The following FAAH2 variants were observed in gnomAD, a reference collection of about 807,000 sequenced individuals.
FAAH2 encodes fatty acid amide hydrolase 2, also known as fatty-acid amide hydrolase 2.
A neutral mutation model predicts 36.9 loss-of-function variants in FAAH2; 60 were observed. That is an observed-to-expected ratio of 1.63 (90% confidence interval 1.32 to 2.02). FAAH2 has a LOEUF of 2.02. Among genes scored for constraint, FAAH2 ranks in the 30% most tolerant of loss-of-function variants. FAAH2 has a pLI of 0.00. For synonymous variants in FAAH2, 214 were observed against 143.8 expected (o/e 1.49, Z -3.49); for missense variants, 689 against 397.5 (o/e 1.73, Z -6.23).
chrX:57,338,905 A>T (rs1378389464), intron 4 of FAAH2, among the ~76,000 whole-genome samples: 1 of 111,788 alleles, frequency 8.9e-6, no homozygotes, highest in Non-Finnish European at 1.9e-5. Context: ...TTAGGAAAAA[A>T]AAACCTATTT....
chrX:57,464,518 C>CAAAAAAAAAAAAAAAAAAAA, intron 10 of FAAH2, among the ~76,000 whole-genome samples: 1 of 60,984 alleles, frequency 1.6e-5, no homozygotes, highest in Non-Finnish European at 2.9e-5. Flanking sequence ...ATAGCAATTG[C>CAAAAAAAAAAAAAAAAAAAA]AAAAAAAAAA....
At chrX:57,338,366 A>C (rs1318779875) in intron 4 of FAAH2, among the ~76,000 whole-genome samples, 1 of 111,746 alleles carries the variant, frequency 8.9e-6, no homozygotes, top group Non-Finnish European at 1.9e-5. Flanking sequence ...GACCATTTTC[A>C]CTTCTTTTGT....
At chrX:57,279,044 G>A in the FAAH2 span, among the ~76,000 whole-genome samples, 1 of 112,205 alleles carries the variant, frequency 8.9e-6, no homozygotes, top group Non-Finnish European at 1.9e-5. Context: ...AGACAATGTG[G>A]CAATTCCTGA....
intron 5 of FAAH2, among the ~76,000 whole-genome samples, chrX:57,355,327 ATC>A (rs2054132681): frequency 9.0e-6 from 1 of 110,919 alleles, no homozygotes; most frequent in Non-Finnish European, 1.9e-5. Context: ...CCAGCAGAAT[ATC>A]TGTCTTATTT....
chrX:57,172,243 TG>T, the FAAH2 span, among the ~76,000 whole-genome samples: 5 of 111,933 alleles, frequency 4.5e-5, no homozygotes, highest in African/African-American at 9.8e-5. Flanking sequence ...GGTTGTTTTT[TG>T]GTTTCGAATA....
intron 2 of FAAH2, among the ~76,000 whole-genome samples, chrX:57,293,271 C>CA (rs764978898): frequency 5.2e-4 from 58 of 111,559 alleles, no homozygotes; most frequent in African/African-American, 1.8e-3. Flanking sequence ...TAAAATGAAA[C>CA]TTTATATCAC....
At chrX:57,160,866 C>T in the FAAH2 span, among the ~76,000 whole-genome samples, 1 of 111,701 alleles carries the variant, frequency 9.0e-6, no homozygotes, top group Non-Finnish European at 1.9e-5. Context: ...TCCTTCAGTT[C>T]TGCTCTGATC....
chrX:57,167,788 A>G, the FAAH2 span, among the ~76,000 whole-genome samples: 1 of 111,437 alleles, frequency 9.0e-6, no homozygotes, highest in African/African-American at 3.3e-5. Context: ...TAGGTATTGT[A>G]TAGTGGTAGG....
chrX:57,307,789 A>G (rs1457849481), intron 2 of FAAH2, among the ~76,000 whole-genome samples: 1 of 110,883 alleles, frequency 9.0e-6, no homozygotes, highest in Non-Finnish European at 1.9e-5. Context: ...CCTCGCTCAC[A>G]CACTTCCGCA....
intron 3 of FAAH2, among the ~76,000 whole-genome samples, chrX:57,324,195 T>G (rs1388542515): frequency 8.9e-6 from 1 of 111,899 alleles, no homozygotes; most frequent in Non-Finnish European, 1.9e-5. Context: ...GTTCCATTGG[T>G]CTATATCTCT....
chrX:57,473,402 A>G (rs2057205952), intron 10 of FAAH2, among the ~76,000 whole-genome samples: 1 of 111,396 alleles, frequency 9.0e-6, no homozygotes, highest in Non-Finnish European at 1.9e-5. Context: ...ACTTGATATT[A>G]TTTTACCTTT....
intron 7 of FAAH2, chrX:57,395,080 T>A: frequency 1.8e-6 from 1 of 548,506 alleles, no homozygotes; most frequent in Non-Finnish European, 3.4e-6. Flanking sequence ...CATTGATCAC[T>A]CCTTCAGTGT....
At chrX:57,311,421 C>G (rs1427549289) in intron 3 of FAAH2, among the ~76,000 whole-genome samples, 1 of 111,983 alleles carries the variant, frequency 8.9e-6, no homozygotes, top group Non-Finnish European at 1.9e-5. Context: ...TCTTTGGGAT[C>G]CTAGCTATAG....
At position 57,392,812 on chromosome X, in the gene FAAH2, C is replaced by G. The variant is rs1459568616; in HGVS notation, c.996+11783C>G. The G allele has an allele frequency of 1.1e-5, 7 of 654,814 alleles. No individual in the cohort carries two copies. The East Asian group carries it at 1.9e-4, about 18-fold the overall frequency. 54.0% of individuals were successfully genotyped at this position (654,814 alleles called of 1,213,427 possible). ...GGCAGAATGAATCCTGTAGGGACACCTTTTCGCTCTGGGTTGTGAGACAAG... is the reference window on the plus strand; with the variant it reads ...GGCAGAATGAATCCTGTAGGGACACGTTTTCGCTCTGGGTTGTGAGACAAG... On this transcript the variant is annotated intron_variant, in intron 7 of 10. Transcript: ENST00000374900.
chrX:57,380,237 T>C (rs140156824), intron 6 of FAAH2, among the ~76,000 whole-genome samples: 303 of 110,860 alleles, frequency 2.7e-3, no homozygotes, highest in African/African-American at 9.3e-3. Flanking sequence ...CTCTATTCTT[T>C]CTACTTACCC....
chrX:57,470,608 G>A (rs768168778), intron 10 of FAAH2, among the ~76,000 whole-genome samples: 1 of 108,997 alleles, frequency 9.2e-6, no homozygotes, highest in East Asian at 2.9e-4. Flanking sequence ...ATAATTAATA[G>A]CCTACCAACC....
chrX:57,315,320 C>A (rs1309149681), intron 3 of FAAH2, among the ~76,000 whole-genome samples: 2 of 110,562 alleles, frequency 1.8e-5, no homozygotes, highest in African/African-American at 6.6e-5. Context: ...CCAAATTCTA[C>A]CAGACATACA....
At chrX:57,262,720 A>G in the FAAH2 span, among the ~76,000 whole-genome samples, 1 of 111,885 alleles carries the variant, frequency 8.9e-6, no homozygotes, top group Non-Finnish European at 1.9e-5. Flanking sequence ...CTAACACAAT[A>G]TTAGTAAATA....
chrX:57,163,763 G>T, the FAAH2 span, among the ~76,000 whole-genome samples: 3 of 112,216 alleles, frequency 2.7e-5, no homozygotes, highest in South Asian at 7.5e-4. Context: ...CCACTGTCTG[G>T]CACTACCTAG....
Sources: gnomAD v4.1 joint callset for allele counts (sites outside exome capture counted in the v4.1 genomes callset) on GRCh38, gnomAD v4.1.1 for gene constraint, MANE v1.5 for transcripts, NCBI Gene and HGNC (gene_info 2026-07-23, HGNC 2026-07-21) for gene names.